The following NTRK3 variants were observed in gnomAD, a reference collection of about 807,000 sequenced individuals.
NTRK3 encodes NT-3 growth factor receptor.
In NTRK3, 24 loss-of-function variants were observed where a neutral mutation model predicts 91.7. The observed-to-expected ratio is 0.26, with a 90% CI of 0.19 to 0.37. The LOEUF is 0.37. Among genes scored for constraint, NTRK3 ranks in the 10% least tolerant of loss-of-function variants. NTRK3 has a pLI of 1.00. For missense variants in NTRK3, 880 were observed against 1,068.9 expected (o/e 0.82, Z 2.46); for synonymous variants, 483 against 404.0 (o/e 1.20, Z -2.34).
At chr15:87,918,372 T>A (rs1279843157) in intron 17 of NTRK3, among the ~76,000 whole-genome samples, 1 of 152,222 alleles carries the variant, frequency 6.6e-6, no homozygotes, top group Non-Finnish European at 1.5e-5. Flanking sequence ...GTCTTTCCTT[T>A]ACCAACATTT....
chr15:87,862,966 G>A (rs533558568), exon 19 of NTRK3: 2 of 230,604 alleles, frequency 8.7e-6, no homozygotes, highest in South Asian at 3.6e-4. Flanking sequence ...GTCAAACATA[G>A]ACTTGTACAT....
intron 14 of NTRK3, among the ~76,000 whole-genome samples, chr15:88,013,887 C>A (rs527534316): frequency 6.6e-6 from 1 of 152,050 alleles, no homozygotes; most frequent in Non-Finnish European, 1.5e-5. Context: ...CTGCAGTGAG[C>A]CAATATCACA....
intron 17 of NTRK3, among the ~76,000 whole-genome samples, chr15:87,912,621 GCTCT>G (rs112477797): frequency 1.3e-5 from 2 of 148,852 alleles, no homozygotes. Context: ...AGGGACATCT[GCTCT>G]CTCTCTCTCT....
intron 13 of NTRK3, among the ~76,000 whole-genome samples, chr15:88,078,277 G>T (rs1322842452): frequency 2.6e-5 from 4 of 152,178 alleles, no homozygotes; most frequent in African/African-American, 4.8e-5. Flanking sequence ...CTCTCAGGGA[G>T]CTTTGTCCTT....
chr15:88,041,393 T>C (rs569137406), intron 13 of NTRK3, among the ~76,000 whole-genome samples: 49 of 152,334 alleles, frequency 3.2e-4, no homozygotes, highest in African/African-American at 1.2e-3. Context: ...CTGCTATTTA[T>C]TGAGTATATC....
At chr15:87,898,535 G>T (rs1423457233) in intron 17 of NTRK3, among the ~76,000 whole-genome samples, 4 of 152,108 alleles carry the variant, frequency 2.6e-5, no homozygotes, top group Non-Finnish European at 5.9e-5. Flanking sequence ...CTCAGAGACT[G>T]CATATTCTGT....
At chr15:88,125,232 T>A (rs2053158834) in intron 13 of NTRK3, among the ~76,000 whole-genome samples, 1 of 152,244 alleles carries the variant, frequency 6.6e-6, no homozygotes. Context: ...ATGGACTAGT[T>A]CGGTTCCATG....
intron 6 of NTRK3, among the ~76,000 whole-genome samples, chr15:88,142,119 T>C (rs1283363103): frequency 6.6e-6 from 1 of 152,184 alleles, no homozygotes; most frequent in Non-Finnish European, 1.5e-5. Context: ...AGGATTCAAA[T>C]GGTGAGGTGG....
chr15:88,083,997 C>G (rs778988139), intron 13 of NTRK3, among the ~76,000 whole-genome samples: 10 of 151,892 alleles, frequency 6.6e-5, no homozygotes, highest in Non-Finnish European at 1.2e-4. Flanking sequence ...CTGTGGATTG[C>G]AAGGAAAATT....
At chr15:87,942,601 C>G (rs763224351) in intron 14 of NTRK3, among the ~76,000 whole-genome samples, 1 of 152,134 alleles carries the variant, frequency 6.6e-6, no homozygotes, top group Non-Finnish European at 1.5e-5. Flanking sequence ...TGTACAATGT[C>G]AAGCCCACAT....
At chr15:88,146,370 TA>T (rs1257180238) in intron 6 of NTRK3, among the ~76,000 whole-genome samples, 2 of 152,158 alleles carry the variant, frequency 1.3e-5, no homozygotes, top group Non-Finnish European at 2.9e-5. Context: ...TGCCTCTTGG[TA>T]AAGAGAGTAA....
rs1230996252 is a variant in NTRK3 at position 88,235,653 on chromosome 15, C to T, written c.248+20253G>A. ...CAAATGCCCACCAGGCCCTGGCTTCCACAGTGTCACAGAGAAGAAGGGAGC... is the reference window on the plus strand; with the variant it reads ...CAAATGCCCACCAGGCCCTGGCTTCTACAGTGTCACAGAGAAGAAGGGAGC... On this transcript the variant is annotated intron_variant, in intron 3 of 18. Transcript: ENST00000394480. This position sits in a 1 kb window ranked among gnomAD's most constrained non-coding sequence, Gnocchi z 5.2. Among the ~76,000 whole-genome samples, 1 of 152,334 alleles carries T rather than the reference C, an allele frequency of 6.6e-6. No homozygotes were observed. Among genetic ancestry groups the T allele is most frequent in the African/African-American group, 2.4e-5 (1 of 41,564 alleles).
At chr15:88,116,430 C>T (rs1196405695) in intron 13 of NTRK3, among the ~76,000 whole-genome samples, 1 of 135,854 alleles carries the variant, frequency 7.4e-6, no homozygotes, top group Non-Finnish European at 1.6e-5. Flanking sequence ...ACTAAAAGTA[C>T]AAAAATTTAA....
At chr15:88,035,523 A>C (rs977112169) in intron 13 of NTRK3, among the ~76,000 whole-genome samples, 4 of 152,220 alleles carry the variant, frequency 2.6e-5, no homozygotes, top group Non-Finnish European at 5.9e-5. Flanking sequence ...GGACATTTGG[A>C]GATCTACCAG....
chr15:87,946,042 C>A (rs2070461733), intron 14 of NTRK3, among the ~76,000 whole-genome samples: 1 of 152,154 alleles, frequency 6.6e-6, no homozygotes, highest in Non-Finnish European at 1.5e-5. Context: ...TTCCAATTTT[C>A]ATTTCAACTA....
At chr15:88,003,761 T>C (rs890374818) in intron 14 of NTRK3, among the ~76,000 whole-genome samples, 1 of 150,734 alleles carries the variant, frequency 6.6e-6, no homozygotes, top group Non-Finnish European at 1.5e-5. Context: ...TCAAACCTCA[T>C]GAAAATCTTC....
At chr15:88,091,181 G>T (rs1348216713) in intron 13 of NTRK3, among the ~76,000 whole-genome samples, 1 of 152,122 alleles carries the variant, frequency 6.6e-6, no homozygotes, top group East Asian at 1.9e-4. Flanking sequence ...ACTGATGAAA[G>T]GGGAAAAAGG....
intron 6 of NTRK3, among the ~76,000 whole-genome samples, chr15:88,142,592 C>T (rs1481341543): frequency 6.6e-6 from 1 of 152,200 alleles, no homozygotes; most frequent in African/African-American, 2.4e-5. Context: ...GAGGAGGGGA[C>T]CCAGATCAGC....
intron 18 of NTRK3, among the ~76,000 whole-genome samples, chr15:87,878,161 G>C (rs558437749): frequency 2.0e-5 from 3 of 152,268 alleles, no homozygotes; most frequent in African/African-American, 7.2e-5. Context: ...CCGAACTTCA[G>C]TTTCTGCATT....
Sources: allele counts gnomAD v4.1 joint callset (sites outside exome capture counted in the v4.1 genomes callset), GRCh38; gene constraint gnomAD v4.1.1; non-coding constraint Gnocchi (gnomAD v3.1); transcripts MANE v1.5; gene names NCBI Gene and HGNC (gene_info 2026-07-23, HGNC 2026-07-21).